GPN2: variants seen among roughly 807,000 people sequenced by gnomAD.
GPN2 encodes GPN-loop GTPase 2.
A neutral mutation model predicts 30.1 loss-of-function variants in GPN2; 27 were observed. The observed-to-expected ratio is 0.90, with a 90% CI of 0.66 to 1.24. The LOEUF is 1.24. GPN2 is among the 50% of genes most tolerant of loss of function. GPN2 has a pLI of 0.00. For synonymous variants in GPN2, 212 were observed against 174.4 expected, an observed-to-expected ratio of 1.22 and a Z score of -1.70; for missense variants, 406 against 405.4, an observed-to-expected ratio of 1.00 and a Z score of -0.01.
chr1:26,877,527 C>T lies in GPN2; in HGVS notation c.*2150G>A, dbSNP rs2081843003. On this transcript the variant is annotated 3_prime_UTR_variant, in exon 5 of 5. Transcript: ENST00000374135. Reference sequence around the variant, plus strand: ...CTGTGGGACAAGGGCTGTGACTTCTCACCAATAAATATACCAAAGGAGGGA... The same window carrying T: ...CTGTGGGACAAGGGCTGTGACTTCTTACCAATAAATATACCAAAGGAGGGA... The T allele has an allele frequency of 6.6e-6, 1 of 152,238 alleles. No homozygotes were observed. 9.4% of individuals were successfully genotyped at this position (152,238 alleles called of 1,614,324 possible).
At chr1:26,885,928 G>A (rs1468108571) in intron 3 of GPN2, 45 bp downstream of exon 3, 1 of 1,469,562 alleles carries the variant, frequency 6.8e-7, no homozygotes, top group Admixed American at 1.7e-5. Context: ...TTTTGGCTTG[G>A]TGAATCCCAT....
intron 3 of GPN2, among the ~76,000 whole-genome samples, chr1:26,884,771 C>G (rs1162316016): frequency 6.6e-6 from 1 of 152,200 alleles, no homozygotes; most frequent in African/African-American, 2.4e-5. Flanking sequence ...CACTTAAGGT[C>G]AGGAGTTCAA....
At chr1:26,884,420 A>G (rs1408421753) in intron 3 of GPN2, 130 bp from the exon 4 acceptor site, 3 of 822,978 alleles carry the variant, frequency 3.6e-6, no homozygotes, top group South Asian at 1.9e-5. Flanking sequence ...GTAGTTCTAC[A>G]TGTCCCCAAA....
chr1:26,882,136 G>C lies in GPN2; in HGVS notation c.860+2024C>G, dbSNP rs1262606963. The stretch of plus-strand genomic sequence containing the variant: ...GGAGGCTGAGGCAGGAGAATTGCTT[G>C]AACGTGGGAGATGGAGGTTGCAGTG... On this transcript the variant is annotated intron_variant, in intron 4 of 4. Coordinates refer to ENST00000374135, the MANE Select transcript of GPN2 (RefSeq NM_018066.4). 3.3e-5 allele frequency among the ~76,000 whole-genome samples: 5 copies of C among 150,600 alleles called. No homozygotes were observed. The South Asian group carries it at 8.5e-4, about 26-fold the overall frequency.
intron 4 of GPN2, among the ~76,000 whole-genome samples, chr1:26,883,337 C>T (rs933759660): frequency 1.3e-5 from 2 of 152,218 alleles, no homozygotes; most frequent in African/African-American, 2.4e-5. Context: ...GCATCTCTCC[C>T]GAATGACTAA....
rs1448026957 is a variant in GPN2, at chr1:26,878,284, AACTT to A, written c.*1389_*1392del. The stretch of plus-strand genomic sequence containing the variant: ...ATATAATTAATATTTTTCTTTACAC[AACTT>A]ACTATTTTTTTTTGAGACAGAGTCT... On this transcript the variant is annotated 3_prime_UTR_variant, in exon 5 of 5. Transcript: ENST00000374135. 2 of 152,016 alleles carry A rather than the reference AACTT, an allele frequency of 1.3e-5. 1 individual carries two copies. Among genetic ancestry groups the A allele is most frequent in the Non-Finnish European group, 2.9e-5 (2 of 68,002 alleles). The allele number at this position is 152,016 out of a possible 1,614,324, so 9.4% of individuals were successfully genotyped here.
chr1:26,885,477 G>C (rs1281915975), intron 3 of GPN2, among the ~76,000 whole-genome samples: 1 of 151,754 alleles, frequency 6.6e-6, no homozygotes, highest in Non-Finnish European at 1.5e-5. Context: ...CAGGGCAAAA[G>C]TTTGGTCCAC....
Position 26,884,203 on chromosome 1 carries a change from C to T in GPN2, c.817G>A (p.Ala273Thr), listed in dbSNP as rs1404578367. ...GCTCCCATTGCGGCAGACATCATGG[C>T]TTCCAAGCTTCGCTGCTCTTGGGCT... ...FRAQEQRSLE[A>T]MMSAAMGADF... is the part of the protein sequence containing the mutation. The change falls in exon 4 of 5, where the codon GCC becomes ACC. Residue 273 changes from alanine (A) to threonine (T), a missense_variant. Coordinates refer to ENST00000374135, the MANE Select transcript of GPN2 (RefSeq NM_018066.4). 1 of 1,614,032 alleles carries T rather than the reference C, an allele frequency of 6.2e-7. No homozygotes were observed. Among genetic ancestry groups the T allele is most frequent in the Non-Finnish European group, 8.5e-7 (1 of 1,179,984 alleles).
intron 4 of GPN2, among the ~76,000 whole-genome samples, chr1:26,882,022 C>T (rs1341467000): frequency 6.6e-6 from 1 of 152,160 alleles, no homozygotes; most frequent in East Asian, 1.9e-4. Context: ...TCGAAACCAG[C>T]CTGGCCAACA....
rs150927139 is a variant in GPN2 at position 26,889,992 on chromosome 1, C to A, written c.105G>T (p.Ala35=). The change falls in exon 1 of 5, where the codon GCG becomes GCT. Residue 35 remains alanine (A), a synonymous_variant. Transcript: ENST00000374135. ...YCLGMSEFLR[A]LGRRVAVVNL... Reference sequence around the variant, plus strand: ...TCACCACCGCCACGCGCCGGCCCAGCGCGCGCAGGAACTCACTCATGCCCA... The same window carrying A: ...TCACCACCGCCACGCGCCGGCCCAGAGCGCGCAGGAACTCACTCATGCCCA... The A allele has an allele frequency of 1.3e-5, 21 of 1,601,522 alleles. No individual in the cohort carries two copies. The African/African-American group carries it at 2.5e-4, about 19-fold the overall frequency.
chr1:26,880,630 T>G (rs1165200245), intron 4 of GPN2, among the ~76,000 whole-genome samples: 3 of 151,256 alleles, frequency 2.0e-5, no homozygotes, highest in Non-Finnish European at 4.4e-5. Flanking sequence ...TTTTTATACT[T>G]TAAAAAAAAA....
In GPN2 at chr1:26,879,670, C is replaced by T. The variant is rs1392010643; in HGVS notation, c.*7G>A. On this transcript the variant is annotated 3_prime_UTR_variant, in exon 5 of 5. Coordinates refer to ENST00000374135, the MANE Select transcript of GPN2 (RefSeq NM_018066.4). ...ATGCATCCTGCTCTCCAGGGTCCAC[C>T]TTGTTGCTACAGCTGCATGGCTTCC... 5.6e-6 allele frequency: 9 copies of T among 1,609,264 alleles called. No homozygotes were observed. In the Admixed American group the frequency reaches 1.0e-4, roughly 18 times the overall value.
At chr1:26,886,507 TG>T (rs2081891897) in intron 2 of GPN2, 1 of 453,118 alleles carries the variant, frequency 2.2e-6, no homozygotes, top group Non-Finnish European at 4.4e-6. Context: ...CCAGCCAACA[TG>T]GTGAAACTCC....
At chr1:26,883,956 C>T (rs536806568) in intron 4 of GPN2, among the ~76,000 whole-genome samples, 12 of 149,230 alleles carry the variant, frequency 8.0e-5, no homozygotes, top group South Asian at 4.2e-4. Context: ...AGGAGAGTGG[C>T]GTGAACCCGG....
intron 4 of GPN2, among the ~76,000 whole-genome samples, chr1:26,880,376 G>A (rs2081858391): frequency 6.6e-6 from 1 of 152,036 alleles, no homozygotes; most frequent in South Asian, 2.1e-4. Flanking sequence ...GCAGTGGCGC[G>A]ATCTCGGCTC....
Position 26,879,512 on chromosome 1 carries a change from T to C in GPN2, c.*165A>G, listed in dbSNP as rs767078517. On this transcript the variant is annotated 3_prime_UTR_variant, in exon 5 of 5. Coordinates refer to ENST00000374135, the MANE Select transcript of GPN2 (RefSeq NM_018066.4). ...ATGGGGGGTGTTCTGCTTGGCACCA[T>C]GTCTGGCTTTTTGGCCAGAAGTCCT... 3 of 628,062 alleles carry C rather than the reference T, an allele frequency of 4.8e-6. No homozygotes were observed. The highest frequency in any genetic ancestry group is 3.6e-5 in the African/African-American group (2 of 55,042). 38.9% of individuals were successfully genotyped at this position (628,062 alleles called of 1,614,324 possible). A position where few individuals can be genotyped will look rare whatever the true frequency, so the allele number is the denominator to read the frequency against.
At chr1:26,883,910 GGTGGCTGTAGTCCCA>G (rs1453390272) in intron 4 of GPN2, among the ~76,000 whole-genome samples, 6 of 151,966 alleles carry the variant, frequency 3.9e-5, no homozygotes, top group Non-Finnish European at 8.8e-5. Flanking sequence ...CGTGGTGGTG[GGTGGCTGTAGTCCCA>G]GCTACTCAGG....
rs1470878722 is a variant in GPN2 at position 26,876,660 on chromosome 1, C to T, written c.*3017G>A. 1.3e-5 allele frequency: 2 copies of T among 152,182 alleles called. No individual in the cohort carries two copies. The highest frequency in any genetic ancestry group is 4.8e-5 in the African/African-American group (2 of 41,452). 9.4% of individuals were successfully genotyped at this position (152,182 alleles called of 1,614,324 possible). A position where few individuals can be genotyped will look rare whatever the true frequency, so the allele number is the denominator to read the frequency against. ...GACATTTCACACTGAACAGGCCTCA[C>T]TTGGATCTCGGACATCTTCCTTTCT... On this transcript the variant is annotated 3_prime_UTR_variant, in exon 5 of 5. Coordinates refer to ENST00000374135, the MANE Select transcript of GPN2 (RefSeq NM_018066.4).
intron 2 of GPN2, 76 bp from the exon 3 acceptor site, chr1:26,886,209 TTTCCTTTG>T: frequency 9.8e-7 from 1 of 1,019,948 alleles, no homozygotes; most frequent in Non-Finnish European, 1.5e-6. Flanking sequence ...TTTTTCCTTT[TTTCCTTTG>T]TGCACTCATG....
Sources: allele counts gnomAD v4.1 joint callset (sites outside exome capture counted in the v4.1 genomes callset), GRCh38; gene constraint gnomAD v4.1.1; transcripts MANE v1.5; gene names NCBI Gene and HGNC (gene_info 2026-07-23, HGNC 2026-07-21).